Variants in MCAM observed in about 807,000 individuals in gnomAD.
MCAM encodes the protein melanoma cell adhesion molecule, also known as cell surface glycoprotein MUC18.
A neutral mutation model predicts 79.1 loss-of-function variants in MCAM; 55 were observed. That is an observed-to-expected ratio of 0.70 (90% CI 0.56 to 0.87). MCAM has a LOEUF of 0.87. Ranked by LOEUF, MCAM falls within the 40% of genes least tolerant of loss-of-function variation. MCAM has a pLI of 0.00. For synonymous variants in MCAM, 330 were observed against 339.8 expected (o/e 0.97, Z 0.32); for missense variants, 745 against 839.8 (o/e 0.89, Z 1.40).
chr11:119,314,259 G>C, intron 5 of MCAM: 1 of 530,446 alleles, frequency 1.9e-6, no homozygotes, highest in Non-Finnish European at 3.4e-6. Context: ...GGGCTCATAT[G>C]ATCCTCCTGC....
intron 5 of MCAM, chr11:119,314,101 T>A (rs929466438): frequency 1.1e-6 from 1 of 881,076 alleles, no homozygotes; most frequent in African/African-American, 1.8e-5. Flanking sequence ...ATTTGTATAA[T>A]TTTTTTAAGT....
chr11:119,315,078 G>T lies in MCAM; in HGVS notation c.193-38C>A. The T allele has an allele frequency of 6.2e-7, 1 of 1,610,758 alleles. No individual in the cohort carries two copies. Among genetic ancestry groups the T allele is most frequent in the Non-Finnish European group, 8.5e-7 (1 of 1,179,740 alleles). ...GACACAGAGGAGGAGAAGGGTCCTG[G>T]GCTACAAGAGGGGCAGAGTCTCCCT... On this transcript the variant is annotated intron_variant, in intron 2 of 15. Coordinates refer to ENST00000264036, the MANE Select transcript of MCAM (RefSeq NM_006500.3). This position sits in a 1 kb window ranked among gnomAD's most constrained non-coding sequence, Gnocchi z 4.4.
At position 119,309,744 on chromosome 11, in the gene MCAM, C is replaced by T; in HGVS notation, c.*142G>A. On this transcript the variant is annotated 3_prime_UTR_variant, in exon 16 of 16. Transcript: ENST00000264036. The stretch of plus-strand genomic sequence containing the variant: ...CCAAGTGAGGTCCTCAGGTCCTAAC[C>T]CAGTGGCCCTCTGAAAGGGGGTGTG... The T allele has an allele frequency of 2.4e-6, 2 of 844,586 alleles. No homozygotes were observed. The highest frequency in any genetic ancestry group is 3.8e-6 in the Non-Finnish European group (2 of 522,634). The allele number at this position is 844,586 out of a possible 1,614,324, so 52.3% of individuals were successfully genotyped here.
In MCAM at chr11:119,312,449, G is replaced by A. The variant is rs1337314935; in HGVS notation, c.862-21C>T. Reference sequence around the variant, plus strand: ...GGGTTCTAGGGAGGATTGGGGAGGTGAGCAGAGTGCACCTCCCGCCACTCC... The same window carrying A: ...GGGTTCTAGGGAGGATTGGGGAGGTAAGCAGAGTGCACCTCCCGCCACTCC... On this transcript the variant is annotated intron_variant, in intron 7 of 15. Transcript: ENST00000264036. This position sits in a 1 kb window ranked among gnomAD's most constrained non-coding sequence, Gnocchi z 4.9. 4 of 1,613,080 alleles carry A rather than the reference G, an allele frequency of 2.5e-6. No homozygotes were observed. Among genetic ancestry groups the A allele is most frequent in the South Asian group, 2.2e-5 (2 of 91,004 alleles).
rs756891956 is a variant in MCAM at position 119,311,484 on chromosome 11, C to T, written c.1407+46G>A. 5.8e-5 allele frequency: 93 copies of T among 1,613,574 alleles called. No homozygotes were observed. In the East Asian group the frequency reaches 1.2e-3, roughly 21 times the overall value. On this transcript the variant is annotated intron_variant, in intron 11 of 15. Coordinates refer to ENST00000264036, the MANE Select transcript of MCAM (RefSeq NM_006500.3). This position sits in a 1 kb window ranked among gnomAD's most constrained non-coding sequence, Gnocchi z 4.4. Reference sequence around the variant, plus strand: ...AGGATCTCTGGTCCTGGCCACAAAGCGCAGGCAGGGATTAGGAGAGTGTGG... The same window carrying T: ...AGGATCTCTGGTCCTGGCCACAAAGTGCAGGCAGGGATTAGGAGAGTGTGG...
chr11:119,317,051 G>A lies in MCAM; in HGVS notation c.51C>T (p.Cys17=). 1 of 1,529,404 alleles carries A rather than the reference G, an allele frequency of 6.5e-7. No homozygotes were observed. The allele number at this position is 1,529,404 out of a possible 1,614,324, so 94.7% of individuals were successfully genotyped here. ...VCAFLLAACC[C]CPRVAGVPGE... Reference sequence around the variant, plus strand: ...CGAACTCACCCGCGACGCGAGGACAGCAGCAGCAGGCGGCGAGCAAGAAGG... The same window carrying A: ...CGAACTCACCCGCGACGCGAGGACAACAGCAGCAGGCGGCGAGCAAGAAGG... The change falls in exon 1 of 16, where the codon TGC becomes TGT. Residue 17 remains cysteine, a synonymous_variant. Transcript: ENST00000264036. This position sits in a 1 kb window ranked among gnomAD's most constrained non-coding sequence, Gnocchi z 6.2.
Position 119,311,452 on chromosome 11 carries a change from G to T in MCAM, c.1408-31C>A. ...AGGAAAGGAAGGAGGCAGCTCAGGGGATGGGGAGGATCTCTGGTCCTGGCC... is the reference window on the plus strand; with the variant it reads ...AGGAAAGGAAGGAGGCAGCTCAGGGTATGGGGAGGATCTCTGGTCCTGGCC... On this transcript the variant is annotated intron_variant, in intron 11 of 15. Transcript: ENST00000264036. The surrounding 1 kb of genome is among the most constrained non-coding windows in gnomAD (Gnocchi z 4.4). 1 of 1,613,752 alleles carries T rather than the reference G, an allele frequency of 6.2e-7. No individual in the cohort carries two copies.
chr11:119,312,937 T>A lies in MCAM; in HGVS notation c.572A>T (p.Gln191Leu), dbSNP rs1220613665. 1.9e-6 allele frequency: 3 copies of A among 1,614,090 alleles called. No homozygotes were observed. The South Asian group carries it at 3.3e-5, about 18-fold the overall frequency. The change falls in exon 6 of 16, where the codon CAG (glutamine) becomes CTG (leucine). Residue 191 changes from glutamine (Q) to leucine (L), a missense_variant. Coordinates refer to ENST00000264036, the MANE Select transcript of MCAM (RefSeq NM_006500.3). The surrounding 1 kb of genome is among the most constrained non-coding windows in gnomAD (Gnocchi z 4.9). The stretch of plus-strand genomic sequence containing the variant: ...ACTCGACTCCACAGTCTGGGACGAC[T>A]GAATGTGGACCCCTGGGCAGGGAGG... ...LKEEKNRVHI[Q>L]SSQTVESSGL...
In MCAM at chr11:119,312,898, A is replaced by G. The variant is rs753825047; in HGVS notation, c.611T>C (p.Leu204Ser). ...QTVESSGLYTLQSILKAQLVK... is the reference protein window; with the variant it reads ...QTVESSGLYTSQSILKAQLVK... ...CAGCTGTGCCTTCAGAATACTCTGC[A>G]AGGTGTACAAACCACTCGACTCCAC... The change falls in exon 6 of 16, where the codon TTG (leucine) becomes TCG (serine). Residue 204 changes from leucine to serine, a missense_variant. Physicochemically the swap from Leu to Ser is moderately radical, Grantham distance 145. Coordinates refer to ENST00000264036, the MANE Select transcript of MCAM (RefSeq NM_006500.3). The surrounding 1 kb of genome is among the most constrained non-coding windows in gnomAD (Gnocchi z 4.9). 5 of 1,614,100 alleles carry G rather than the reference A, an allele frequency of 3.1e-6. No homozygotes were observed. Among genetic ancestry groups the G allele is most frequent in the Non-Finnish European group, 4.2e-6 (5 of 1,180,052 alleles).
In MCAM at chr11:119,314,549, AC is replaced by A; in HGVS notation, c.498del (p.Tyr167ThrfsTer15). The A allele has an allele frequency of 6.2e-7, 1 of 1,613,586 alleles. No individual in the cohort carries two copies. The highest frequency in any genetic ancestry group is 8.5e-7 in the Non-Finnish European group (1 of 1,179,848). On this transcript the variant is annotated frameshift_variant, in exon 5 of 16. Coordinates refer to ENST00000264036, the MANE Select transcript of MCAM (RefSeq NM_006500.3). LOFTEE classifies it high-confidence loss of function. ...TACCAGATGACTTGAGGAATGGGGT[AC>A]CCGTTCCTCCCTACACAGGTAGCGA... Reference protein sequence around the residue: ...EEVATCVGRNGYPIPQVIWYK... With the variant: ...EEVATCVGRNXYPIPQVIWYK...
At chr11:119,313,006 C>T in intron 5 of MCAM, 57 bp from the exon 6 acceptor site, 1 of 1,610,328 alleles carries the variant, frequency 6.2e-7, no homozygotes, top group Non-Finnish European at 8.5e-7. Context: ...CAGCCCCACC[C>T]TAGGGTTGTC....
Position 119,309,094 on chromosome 11 carries a change from TC to T in MCAM, c.*791del, listed in dbSNP as rs1454476195. On this transcript the variant is annotated 3_prime_UTR_variant, in exon 16 of 16. Coordinates refer to ENST00000264036, the MANE Select transcript of MCAM (RefSeq NM_006500.3). Reference sequence around the variant, plus strand: ...TCATACCATTCTCCTGCTTCAGCCTTCCGAGTAGCTGGGACTATAGGTGCCA... The same window carrying T: ...TCATACCATTCTCCTGCTTCAGCCTTCGAGTAGCTGGGACTATAGGTGCCA... The T allele has an allele frequency of 6.6e-6, 1 of 152,202 alleles. No homozygotes were observed. The highest frequency in any genetic ancestry group is 2.4e-5 in the African/African-American group (1 of 41,454). The allele number at this position is 152,202 out of a possible 1,614,324, so 9.4% of individuals were successfully genotyped here.
In MCAM at chr11:119,309,900, C is replaced by T. The variant is rs139488333; in HGVS notation, c.1927G>A (p.Asp643Asn). 48 of 1,601,022 alleles carry T rather than the reference C, an allele frequency of 3.0e-5. No individual in the cohort carries two copies. The highest frequency in any genetic ancestry group is 3.8e-5 in the Non-Finnish European group (45 of 1,173,958). ...APGDQGEKYI[D>N]LRH ...GTGATTCGGGGCTAATGCCTCAGATCGATGTATTTCTCTCCCTAAAAGTGG... is the reference window on the plus strand; with the variant it reads ...GTGATTCGGGGCTAATGCCTCAGATTGATGTATTTCTCTCCCTAAAAGTGG... Residue 643 changes from aspartate (D) to asparagine (N), a missense_variant, in exon 16 of 16, where the codon GAT (aspartate) becomes AAT (asparagine). Physicochemically the swap from Asp to Asn is conservative, Grantham distance 23. Coordinates refer to ENST00000264036, the MANE Select transcript of MCAM (RefSeq NM_006500.3).
Position 119,311,818 on chromosome 11 carries a change from C to T in MCAM, c.1275G>A (p.Val425=), listed in dbSNP as rs1473716955. Residue 425 remains valine (V), a synonymous_variant, in exon 10 of 16, where the codon GTG becomes GTA. Transcript: ENST00000264036. The surrounding 1 kb of genome is among the most constrained non-coding windows in gnomAD (Gnocchi z 4.4). ...GAGGGAGGGCCTCACCAAAAATGGC[C>T]ACGTTGACCAGCTGTGTGCGGTTCA... ...PGLNRTQLVN[V]AIFGPPWMAF... is the part of the protein sequence containing the mutation. The T allele has an allele frequency of 1.9e-6, 3 of 1,613,936 alleles. No individual in the cohort carries two copies. Among genetic ancestry groups the T allele is most frequent in the Admixed American group, 1.7e-5 (1 of 59,994 alleles).
In MCAM at chr11:119,312,337, T is replaced by C. The variant is rs1253587133; in HGVS notation, c.953A>G (p.Tyr318Cys). The C allele has an allele frequency of 2.5e-6, 4 of 1,613,972 alleles. No individual in the cohort carries two copies. The highest frequency in any genetic ancestry group is 3.4e-6 in the Non-Finnish European group (4 of 1,180,018). ...GTCCAAGTCCAGGCCCTGACATTCA[T>C]AGCGCCCACTGTGTTCCTTCCGGGC... ...EPARKEHSGR[Y>C]ECQGLDLDTM... The change falls in exon 8 of 16, where the codon TAT becomes TGT. Residue 318 changes from tyrosine to cysteine, a missense_variant. Transcript: ENST00000264036. The surrounding 1 kb of genome is among the most constrained non-coding windows in gnomAD (Gnocchi z 4.9).
In MCAM at chr11:119,309,141, T is replaced by G. The variant is rs1950188681; in HGVS notation, c.*745A>C. On this transcript the variant is annotated 3_prime_UTR_variant, in exon 16 of 16. Transcript: ENST00000264036. ...TGCCAACCACTACGCCTAGCTAATT[T>G]TTTTTTGTATTTTTAGTAGAGACAG... 6.6e-6 allele frequency: 1 copy of G among 152,184 alleles called. No homozygotes were observed. The highest frequency in any genetic ancestry group is 6.5e-5 in the Admixed American group (1 of 15,276). 9.4% of individuals were successfully genotyped at this position (152,184 alleles called of 1,614,324 possible).
Position 119,316,871 on chromosome 11 carries a change from G to T in MCAM, c.67+164C>A. 1 of 577,456 alleles carries T rather than the reference G, an allele frequency of 1.7e-6. No individual in the cohort carries two copies. The highest frequency in any genetic ancestry group is 3.0e-6 in the Non-Finnish European group (1 of 336,260). The allele number at this position is 577,456 out of a possible 1,614,324, so 35.8% of individuals were successfully genotyped here. On this transcript the variant is annotated intron_variant, in intron 1 of 15. Transcript: ENST00000264036. This position sits in a 1 kb window ranked among gnomAD's most constrained non-coding sequence, Gnocchi z 4.8. ...ATCCCGGCTGCAAACTGGCTGCAAA[G>T]AAGAGTTGCTCGCGCGCAAGGCGCC... is the stretch of plus-strand genomic sequence containing the variant.
intron 5 of MCAM, chr11:119,313,256 G>A (rs142163059): frequency 6.4e-5 from 88 of 1,382,174 alleles, no homozygotes; most frequent in East Asian, 6.2e-4. Flanking sequence ...CCTGCTATGC[G>A]TAGTATGGAA....
rs1725829536 is a variant in MCAM, at chr11:119,316,325, C to G, written c.67+710G>C. ...TACAAGGGCAGCGTGGACCCGAGAG[C>G]GCCCTGCTACCAGGCGGATCCGGAG... On this transcript the variant is annotated intron_variant, in intron 1 of 15. Transcript: ENST00000264036. The surrounding 1 kb of genome is among the most constrained non-coding windows in gnomAD (Gnocchi z 4.8). Among the ~76,000 whole-genome samples, 3 of 152,212 alleles carry G rather than the reference C, an allele frequency of 2.0e-5. No individual in the cohort carries two copies.
Sources: gnomAD v4.1 joint callset for allele counts (sites outside exome capture counted in the v4.1 genomes callset) on GRCh38, gnomAD v4.1.1 for gene constraint, Gnocchi (gnomAD v3.1) non-coding constraint, MANE v1.5 for transcripts, NCBI Gene and HGNC (gene_info 2026-07-23, HGNC 2026-07-21) for gene names.